The following PNPLA1 variants were observed in gnomAD, a reference collection of about 807,000 sequenced individuals.
The protein encoded by PNPLA1 is patatin like domain 1, omega-hydroxyceramide transacylase.
Under a neutral mutation model 51.7 loss-of-function variants are expected in PNPLA1, and 36 were observed. The observed-to-expected ratio is 0.70, with a 90% CI of 0.53 to 0.92. The LOEUF is 0.92. Ranked by LOEUF, PNPLA1 falls within the 40% of genes least tolerant of loss-of-function variation. The pLI is 0.00. For synonymous variants in PNPLA1, 293 were observed against 280.1 expected (o/e 1.05, Z -0.46); for missense variants, 658 against 682.5 (o/e 0.96, Z 0.40).
intron 6 of PNPLA1, among the ~76,000 whole-genome samples, chr6:36,303,795 G>A (rs1376299864): frequency 6.6e-6 from 1 of 152,216 alleles, no homozygotes; most frequent in Non-Finnish European, 1.5e-5. Flanking sequence ...TTGTGCCATT[G>A]CACTCCAGCC....
upstream of PNPLA1, among the ~76,000 whole-genome samples, chr6:36,267,698 C>T (rs1178231916): frequency 6.6e-6 from 1 of 152,102 alleles, no homozygotes; most frequent in Admixed American, 6.5e-5. Flanking sequence ...CTCCCCTCAA[C>T]ATGACCCCAC....
chr6:36,259,419 G>A (rs1220957390), intron 1 of PNPLA1, among the ~76,000 whole-genome samples: 1 of 152,134 alleles, frequency 6.6e-6, no homozygotes, highest in Non-Finnish European at 1.5e-5. Context: ...CTGAAAAGGT[G>A]AAGTAAATAT....
chr6:36,302,324 A>G lies in PNPLA1; in HGVS notation c.1239A>G (p.Arg413=). The G allele has an allele frequency of 6.2e-7, 1 of 1,613,840 alleles. No individual in the cohort carries two copies. Among genetic ancestry groups the G allele is most frequent in the Non-Finnish European group, 8.5e-7 (1 of 1,179,824 alleles). The part of the protein sequence containing the change: ...QQVQPSGSPA[R]SLHSQAPTSP... ...TACAACCGTCTGGATCACCAGCCAG[A>G]TCCCTACACTCTCAGGCACCCACTT... Residue 413 remains arginine, a synonymous_variant, in exon 6 of 9, where the codon AGA becomes AGG. Coordinates refer to ENST00000636260, the MANE Select transcript of PNPLA1 (RefSeq NM_001374623.1).
At position 36,307,715 on chromosome 6, in the gene PNPLA1, G is replaced by A. The variant is rs1237249768; in HGVS notation, c.1595+3G>A. On this transcript the variant is annotated splice_donor_region_variant and intron_variant, in intron 8 of 8. Transcript: ENST00000636260. Reference sequence around the variant, plus strand: ...AAAAAACCAAGCAGCAAAGTGCAGTGAGCATGTCTAATGTTCCTTAAATCC... The same window carrying A: ...AAAAAACCAAGCAGCAAAGTGCAGTAAGCATGTCTAATGTTCCTTAAATCC... 3 of 1,613,778 alleles carry A rather than the reference G, an allele frequency of 1.9e-6. No individual in the cohort carries two copies. The highest frequency in any genetic ancestry group is 1.7e-5 in the Admixed American group (1 of 60,014).
At position 36,294,223 on chromosome 6, in the gene PNPLA1, C is replaced by T. The variant is rs750228634; in HGVS notation, c.538C>T (p.Pro180Ser). The T allele has an allele frequency of 2.5e-6, 4 of 1,614,224 alleles. No homozygotes were observed. In the South Asian group the frequency reaches 4.4e-5, roughly 18 times the overall value. The part of the protein sequence containing the change: ...YIDGGFTGMQ[P>S]CAFWTDAITI... ...CGATGGGGGCTTCACGGGCATGCAG[C>T]CCTGTGCCTTCTGGACCGACGCCAT... The change falls in exon 4 of 9, where the codon CCC (proline) becomes TCC (serine). Residue 180 changes from proline to serine, a missense_variant. Physicochemically the swap from Pro to Ser is moderately conservative, Grantham distance 74. Coordinates refer to ENST00000636260, the MANE Select transcript of PNPLA1 (RefSeq NM_001374623.1). This position sits in a 1 kb window ranked among gnomAD's most constrained non-coding sequence, Gnocchi z 4.2.
intron 6 of PNPLA1, among the ~76,000 whole-genome samples, chr6:36,302,777 T>G (rs1001377926): frequency 1.3e-5 from 2 of 152,156 alleles, no homozygotes; most frequent in African/African-American, 4.8e-5. Context: ...ATTACCAACT[T>G]TGGAGGTGCG....
chr6:36,271,848 G>T (rs888199139), intron 1 of PNPLA1, among the ~76,000 whole-genome samples: 1 of 152,248 alleles, frequency 6.6e-6, no homozygotes, highest in African/African-American at 2.4e-5. Context: ...GGAGGGGGCA[G>T]AGGGCGTGAG....
rs1376417886 is a variant in PNPLA1 at position 36,294,226 on chromosome 6, T to C, written c.541T>C (p.Cys181Arg). The C allele has an allele frequency of 1.9e-6, 3 of 1,614,222 alleles. No individual in the cohort carries two copies. The highest frequency in any genetic ancestry group is 2.5e-6 in the Non-Finnish European group (3 of 1,180,022). Residue 181 changes from cysteine (C) to arginine (R), a missense_variant, in exon 4 of 9, where the codon TGT (cysteine) becomes CGT (arginine). Cys to Arg is a radical substitution (Grantham distance 180). Transcript: ENST00000636260. This position sits in a 1 kb window ranked among gnomAD's most constrained non-coding sequence, Gnocchi z 4.2. ...IDGGFTGMQP[C>R]AFWTDAITIS... is the part of the protein sequence containing the mutation. ...TGGGGGCTTCACGGGCATGCAGCCCTGTGCCTTCTGGACCGACGCCATCAC... is the reference window on the plus strand; with the variant it reads ...TGGGGGCTTCACGGGCATGCAGCCCCGTGCCTTCTGGACCGACGCCATCAC...
intron 1 of PNPLA1, among the ~76,000 whole-genome samples, chr6:36,259,600 GA>G (rs376961795): frequency 6.9e-5 from 10 of 144,412 alleles, no homozygotes; most frequent in African/African-American, 2.0e-4. Flanking sequence ...CTTTTCAGGA[GA>G]AAAAAAAAAC....
chr6:36,285,681 G>C (rs1770465817), intron 1 of PNPLA1, among the ~76,000 whole-genome samples: 1 of 152,120 alleles, frequency 6.6e-6, no homozygotes, highest in Non-Finnish European at 1.5e-5. Context: ...CCGTATTCCA[G>C]GCACTATATT....
chr6:36,285,300 C>A (rs147929283), intron 1 of PNPLA1, among the ~76,000 whole-genome samples: 1 of 152,310 alleles, frequency 6.6e-6, no homozygotes, highest in African/African-American at 2.4e-5. Flanking sequence ...GGAGCAGGGC[C>A]GGCGGCGCCG....
chr6:36,246,677 A>G (rs1769293117), intron 1 of PNPLA1, among the ~76,000 whole-genome samples: 1 of 152,152 alleles, frequency 6.6e-6, no homozygotes, highest in Admixed American at 6.5e-5. Flanking sequence ...TTTCCCACCC[A>G]GCTTCGAGTC....
upstream of PNPLA1, among the ~76,000 whole-genome samples, chr6:36,269,267 C>T (rs754581533): frequency 7.9e-5 from 12 of 152,256 alleles, no homozygotes; most frequent in Admixed American, 5.9e-4. Context: ...GAGCGGGAGA[C>T]GCCATCTTGC....
At chr6:36,291,766 C>T (rs943561956) in intron 2 of PNPLA1, among the ~76,000 whole-genome samples, 1 of 152,208 alleles carries the variant, frequency 6.6e-6, no homozygotes, top group Admixed American at 6.5e-5. Flanking sequence ...CCGCCACCCT[C>T]AATGCTTCGG....
chr6:36,267,041 C>A (rs1046469664), upstream of PNPLA1, among the ~76,000 whole-genome samples: 8 of 152,144 alleles, frequency 5.3e-5, no homozygotes, highest in African/African-American at 1.4e-4. Flanking sequence ...TCTAGAAATT[C>A]ATTTTGGGTT....
At chr6:36,258,137 C>A (rs1002587624) in intron 1 of PNPLA1, among the ~76,000 whole-genome samples, 2 of 152,172 alleles carry the variant, frequency 1.3e-5, no homozygotes, top group Non-Finnish European at 2.9e-5. Flanking sequence ...GAGCTGAAAT[C>A]TTAGTTTAGA....
intron 1 of PNPLA1, among the ~76,000 whole-genome samples, chr6:36,246,083 CTG>C (rs755420840): frequency 1.3e-5 from 2 of 152,204 alleles, no homozygotes; most frequent in Non-Finnish European, 2.9e-5. Context: ...AGGCAGGTCT[CTG>C]TGCACATACA....
intron 1 of PNPLA1, among the ~76,000 whole-genome samples, chr6:36,262,350 C>T (rs761634990): frequency 2.6e-5 from 4 of 152,172 alleles, no homozygotes; most frequent in African/African-American, 4.8e-5. Flanking sequence ...GACGGGGCTA[C>T]GCAGCACGTG....
At chr6:36,267,685 G>C (rs1326902014), upstream of PNPLA1, among the ~76,000 whole-genome samples, 1 of 152,000 alleles carries the variant, frequency 6.6e-6, no homozygotes, top group Non-Finnish European at 1.5e-5. Flanking sequence ...ATCCATAGCT[G>C]TCCTCCCCTC....
Sources: allele counts gnomAD v4.1 joint callset (sites outside exome capture counted in the v4.1 genomes callset), GRCh38; gene constraint gnomAD v4.1.1; non-coding constraint Gnocchi (gnomAD v3.1); transcripts MANE v1.5; gene names NCBI Gene and HGNC (gene_info 2026-07-23, HGNC 2026-07-21).